MTUS2: variants seen among roughly 807,000 people sequenced by gnomAD.
MTUS2 encodes the protein microtubule associated scaffold protein 2, also known as microtubule-associated tumor suppressor candidate 2.
A neutral mutation model predicts 114.1 loss-of-function variants in MTUS2; 40 were observed. The ratio of observed to expected loss-of-function variants is 0.35; its 90% CI spans 0.27 to 0.46. MTUS2 has a LOEUF of 0.46. MTUS2 is among the 20% of genes least tolerant of loss of function. The pLI is 1.00. For synonymous variants in MTUS2, 688 were observed against 672.0 expected (o/e 1.02, Z -0.37); for missense variants, 1,679 against 1,705.4 (o/e 0.98, Z 0.27).
At chr13:28,980,820 A>G (rs903579721) in intron 2 of MTUS2, among the ~76,000 whole-genome samples, 3 of 152,194 alleles carry the variant, frequency 2.0e-5, no homozygotes, top group African/African-American at 2.4e-5. Context: ...CTCACCAGGA[A>G]TGTTTGAAGG....
intron 2 of MTUS2, among the ~76,000 whole-genome samples, chr13:28,944,731 G>A (rs1882427512): frequency 1.3e-5 from 2 of 152,200 alleles, no homozygotes; most frequent in South Asian, 4.1e-4. Flanking sequence ...GGTCTGAACA[G>A]GCTAAATCAC....
intron 5 of MTUS2, among the ~76,000 whole-genome samples, chr13:29,201,907 C>T (rs1894974785): frequency 6.6e-6 from 1 of 152,168 alleles, no homozygotes; most frequent in African/African-American, 2.4e-5. Flanking sequence ...TTGTGGGTAA[C>T]CTGACCTTTG....
chr13:28,966,466 A>C (rs1318457845), intron 2 of MTUS2, among the ~76,000 whole-genome samples: 1 of 152,170 alleles, frequency 6.6e-6, no homozygotes, highest in East Asian at 1.9e-4. Flanking sequence ...TCACACCTCT[A>C]ATCCAAGCAC....
chr13:29,115,697 G>T (rs904074742), intron 5 of MTUS2, among the ~76,000 whole-genome samples: 1 of 152,198 alleles, frequency 6.6e-6, no homozygotes, highest in South Asian at 2.1e-4. Flanking sequence ...TCACAAGGTA[G>T]TGAAACCTAA....
chr13:28,915,184 A>G (rs947964201), intron 2 of MTUS2, among the ~76,000 whole-genome samples: 4 of 145,014 alleles, frequency 2.8e-5, no homozygotes, highest in Admixed American at 1.3e-4. Flanking sequence ...TATTTTCTTT[A>G]TTTATTCATC....
intron 2 of MTUS2, among the ~76,000 whole-genome samples, chr13:28,862,669 T>C (rs1877067072): frequency 6.6e-6 from 1 of 152,170 alleles, no homozygotes; most frequent in African/African-American, 2.4e-5. Flanking sequence ...GTAGCTTTAT[T>C]TATTGTAGTG....
chr13:29,165,025 C>A (rs1429619662), intron 5 of MTUS2, among the ~76,000 whole-genome samples: 1 of 152,190 alleles, frequency 6.6e-6, no homozygotes, highest in Admixed American at 6.5e-5. Flanking sequence ...AAGCTGGAAT[C>A]TCAATGGCTT....
At chr13:29,482,253 G>A (rs1303140013) in intron 10 of MTUS2, 1 of 152,220 alleles carries the variant, frequency 6.6e-6, no homozygotes, top group African/African-American at 2.4e-5. Flanking sequence ...CACGGCTGAG[G>A]GGAGCATCTC....
At chr13:28,823,019 C>A (rs1292597039) in intron 1 of MTUS2, among the ~76,000 whole-genome samples, 1 of 152,128 alleles carries the variant, frequency 6.6e-6, no homozygotes, top group African/African-American at 2.4e-5. Context: ...AGTGTGTGAG[C>A]TGGAGGTGGA....
At chr13:29,488,532 C>T (rs1881813273) in intron 11 of MTUS2, among the ~76,000 whole-genome samples, 1 of 149,746 alleles carries the variant, frequency 6.7e-6, no homozygotes, top group Non-Finnish European at 1.5e-5. Flanking sequence ...CTTCTGCCTC[C>T]TGGGTTCAAG....
Position 28,882,408 on chromosome 13 carries a change from C to G in MTUS2, c.-243+42558C>G, listed in dbSNP as rs962430558. 3.9e-5 allele frequency among the ~76,000 whole-genome samples: 6 copies of G among 152,108 alleles called. No homozygotes were observed. In the South Asian group the frequency reaches 6.2e-4, roughly 16 times the overall value. ...TAAGACAATGTCTTAGATATAACAC[C>G]GAAAGCATGGCCCATAAAGGAAAAC... On this transcript the variant is annotated intron_variant, in intron 2 of 15. Transcript: ENST00000612955.
intron 8 of MTUS2, among the ~76,000 whole-genome samples, chr13:29,391,971 T>TA (rs1435166091): frequency 4.0e-5 from 6 of 151,236 alleles, no homozygotes; most frequent in East Asian, 1.9e-4. Context: ...CTGTCTCTAC[T>TA]AAAAAAAATT....
chr13:28,924,571 G>A (rs1321862810), intron 2 of MTUS2, among the ~76,000 whole-genome samples: 5 of 152,152 alleles, frequency 3.3e-5, no homozygotes, highest in Admixed American at 6.5e-5. Flanking sequence ...TTAAATCTAC[G>A]TGCATAGGGA....
intron 5 of MTUS2, among the ~76,000 whole-genome samples, chr13:29,205,958 A>T (rs1201775953): frequency 3.3e-5 from 5 of 152,196 alleles, no homozygotes; most frequent in Non-Finnish European, 5.9e-5. Flanking sequence ...TGGTAGTTCT[A>T]CTTTTAGTTC....
At position 29,354,916 on chromosome 13, in the gene MTUS2, G is replaced by A. The variant is rs140389139; in HGVS notation, c.2906-4346G>A. On this transcript the variant is annotated intron_variant, in intron 7 of 15. Transcript: ENST00000612955. ...CCTAGAGTGTCCTGCTGTCTGTCAC[G>A]ATGCTGACCAAACCCGTGAACTGCT... Among the ~76,000 whole-genome samples the A allele has an allele frequency of 7.2e-3, 1,094 of 152,348 alleles. 13 individuals are homozygous for A. Among genetic ancestry groups the A allele is most frequent in the African/African-American group, 0.025 (1,046 of 41,586 alleles).
At chr13:29,410,729 A>T (rs9508442) in intron 8 of MTUS2, among the ~76,000 whole-genome samples, 28,508 of 152,128 alleles carry the variant, frequency 0.19, 2,922 homozygotes, top group Middle Eastern at 0.26. Context: ...CCAAACTTAT[A>T]AAAAAATTAT....
At chr13:28,951,562 G>A (rs914285578) in intron 2 of MTUS2, among the ~76,000 whole-genome samples, 4 of 152,134 alleles carry the variant, frequency 2.6e-5, no homozygotes, top group Non-Finnish European at 5.9e-5. Flanking sequence ...ACTTTGGGAG[G>A]CCACAGTGGG....
intron 2 of MTUS2, among the ~76,000 whole-genome samples, chr13:28,943,452 A>G (rs562260834): frequency 6.6e-6 from 1 of 152,314 alleles, no homozygotes; most frequent in African/African-American, 2.4e-5. Context: ...TTCTTAGTAC[A>G]CTAGCTGCAT....
At chr13:29,452,133 C>A (rs1878727179) in intron 9 of MTUS2, among the ~76,000 whole-genome samples, 1 of 152,148 alleles carries the variant, frequency 6.6e-6, no homozygotes, top group African/African-American at 2.4e-5. Flanking sequence ...CTTACCCATG[C>A]ATAGTAATAT....
Sources: gnomAD v4.1 joint callset for allele counts (sites outside exome capture counted in the v4.1 genomes callset) on GRCh38, gnomAD v4.1.1 for gene constraint, MANE v1.5 for transcripts, NCBI Gene and HGNC (gene_info 2026-07-23, HGNC 2026-07-21) for gene names.